CFAP47: variants seen among roughly 807,000 people sequenced by gnomAD.
The protein encoded by CFAP47 is cilia- and flagella-associated protein 47.
CFAP47 carries 29 observed loss-of-function variants against 148.1 expected under a neutral mutation model. The observed-to-expected ratio is 0.20, with a 90% CI of 0.15 to 0.27. The LOEUF (loss-of-function observed/expected upper bound fraction) is 0.27. Ranked by LOEUF, CFAP47 falls within the 10% of genes least tolerant of loss-of-function variation. The pLI, the probability that CFAP47 is intolerant of heterozygous loss-of-function variation, is 1.00. For missense variants in CFAP47, 1,872 were observed against 1,697.5 expected, an observed-to-expected ratio of 1.10 and a Z score of -1.81; for synonymous variants, 664 against 577.3, an observed-to-expected ratio of 1.15 and a Z score of -2.15.
chrX:36,054,535 T>C (rs970359578), intron 26 of CFAP47, among the ~76,000 whole-genome samples: 11 of 111,735 alleles, frequency 9.8e-5, no homozygotes, highest in Non-Finnish European at 2.1e-4. Flanking sequence ...TATTGAATGG[T>C]TTTCTCTTAA....
intron 48 of CFAP47, among the ~76,000 whole-genome samples, chrX:36,248,785 AT>A (rs1386425198): frequency 9.0e-6 from 1 of 111,047 alleles, no homozygotes; most frequent in Non-Finnish European, 1.9e-5. Flanking sequence ...GTCTTATAGC[AT>A]AAAATAAACC....
intron 13 of CFAP47, among the ~76,000 whole-genome samples, chrX:35,974,817 C>G (rs1936543877): frequency 9.0e-6 from 1 of 110,879 alleles, no homozygotes; most frequent in Non-Finnish European, 1.9e-5. Flanking sequence ...GAACAAAATA[C>G]TTGTACTAGT....
At chrX:36,283,495 A>G (rs1448266618) in intron 50 of CFAP47, among the ~76,000 whole-genome samples, 1 of 111,914 alleles carries the variant, frequency 8.9e-6, no homozygotes, top group African/African-American at 3.2e-5. Context: ...CAGGGCCCAG[A>G]TACTTGGTCA....
At chrX:36,136,333 C>T (rs1939044209) in intron 33 of CFAP47, among the ~76,000 whole-genome samples, 1 of 109,580 alleles carries the variant, frequency 9.1e-6, no homozygotes, top group Non-Finnish European at 1.9e-5. Flanking sequence ...TTCTGTCCCT[C>T]CTCTAATGTC....
At chrX:36,260,929 A>C (rs1406380578) in intron 49 of CFAP47, among the ~76,000 whole-genome samples, 3 of 110,901 alleles carry the variant, frequency 2.7e-5, no homozygotes, top group African/African-American at 9.9e-5. Context: ...ATATGGCTAG[A>C]CAATTACCCC....
At chrX:35,986,566 C>T (rs1936718129) in intron 15 of CFAP47, among the ~76,000 whole-genome samples, 2 of 109,868 alleles carry the variant, frequency 1.8e-5, no homozygotes, top group Admixed American at 2.0e-4. Flanking sequence ...TCCTTTAGCT[C>T]AGAGGAGTTT....
chrX:36,179,072 T>C (rs978524356), intron 39 of CFAP47, among the ~76,000 whole-genome samples: 8 of 112,546 alleles, frequency 7.1e-5, no homozygotes, highest in Admixed American at 1.9e-4. Context: ...CAGTCACTTA[T>C]CTTCTAAATG....
intron 15 of CFAP47, among the ~76,000 whole-genome samples, chrX:35,977,880 T>C (rs745799362): frequency 9.0e-6 from 1 of 111,648 alleles, no homozygotes; most frequent in African/African-American, 3.2e-5. Context: ...AGGACAGTCC[T>C]TTCATTAGGT....
At chrX:36,381,239 A>G (rs1466525154) in intron 63 of CFAP47, among the ~76,000 whole-genome samples, 1 of 111,658 alleles carries the variant, frequency 9.0e-6, no homozygotes, top group Admixed American at 9.6e-5. Context: ...CACCTTCTGT[A>G]TAAAGGGTTA....
intron 33 of CFAP47, among the ~76,000 whole-genome samples, chrX:36,108,243 A>G (rs763819350): frequency 5.4e-5 from 6 of 110,954 alleles, no homozygotes; most frequent in Non-Finnish European, 7.6e-5. Flanking sequence ...TCTTTGCTCC[A>G]AACCTCCACA....
intron 22 of CFAP47, among the ~76,000 whole-genome samples, chrX:36,030,531 C>T (rs1000229858): frequency 1.8e-5 from 2 of 110,745 alleles, no homozygotes; most frequent in Non-Finnish European, 3.8e-5. Flanking sequence ...TCTCCTATCC[C>T]ACATGTCCTG....
In CFAP47 at chrX:36,313,164, T is replaced by A. The variant is rs1452441960; in HGVS notation, c.8344+2175T>A. Among the ~76,000 whole-genome samples, 12 of 111,262 alleles carry A rather than the reference T, an allele frequency of 1.1e-4. No homozygotes were observed. The Admixed American group carries it at 1.2e-3, about 11-fold the overall frequency. On this transcript the variant is annotated intron_variant, in intron 56 of 63. Coordinates refer to ENST00000378653, the MANE Select transcript of CFAP47 (RefSeq NM_001304548.2). ...ATATGCAAAATATACTCATTAAAAATAGAGATTAATACTATATTAGTTCAT... is the reference window on the plus strand; with the variant it reads ...ATATGCAAAATATACTCATTAAAAAAAGAGATTAATACTATATTAGTTCAT...
chrX:36,138,138 C>T, intron 34 of CFAP47, 83 bp downstream of exon 34: 1 of 496,339 alleles, frequency 2.0e-6, no homozygotes, highest in East Asian at 4.6e-5. Flanking sequence ...TTTCTGTAAA[C>T]AGATTATTTC....
chrX:36,327,783 AACAATGACATCCTGTCCTCT>A (rs1941529797), intron 57 of CFAP47, among the ~76,000 whole-genome samples: 1 of 112,356 alleles, frequency 8.9e-6, no homozygotes, highest in Non-Finnish European at 1.9e-5. Context: ...AGCAATAAAA[AACAATGACATCCTGTCCTCT>A]GCAGCAACGT....
At chrX:36,270,549 G>GTATATATA (rs782687841) in intron 49 of CFAP47, among the ~76,000 whole-genome samples, 8,044 of 95,293 alleles carry the variant, frequency 0.084, 518 homozygotes, top group African/African-American at 0.19. Flanking sequence ...TTTAAAATTT[G>GTATATATA]TATATATATA....
Position 35,966,549 on chromosome X carries a change from C to T in CFAP47, c.1411-16C>T. On this transcript the variant is annotated splice_polypyrimidine_tract_variant and intron_variant, in intron 8 of 63. Transcript: ENST00000378653. ...TACCAATTTATTATTGGTTACTTTT[C>T]ATCTTTTTTTTTTAGGATGTGATGT... 3.0e-6 allele frequency: 3 copies of T among 986,585 alleles called. No individual in the cohort carries two copies. The highest frequency in any genetic ancestry group is 3.9e-6 in the Non-Finnish European group (3 of 766,907). The allele number at this position is 986,585 out of a possible 1,213,427, so 81.3% of individuals were successfully genotyped here. A position where few individuals can be genotyped will look rare whatever the true frequency, so the allele number is the denominator to read the frequency against.
At chrX:36,067,813 C>T (rs1343641952) in intron 27 of CFAP47, among the ~76,000 whole-genome samples, 2 of 109,689 alleles carry the variant, frequency 1.8e-5, no homozygotes, top group African/African-American at 3.3e-5. Flanking sequence ...CAGGTGCCCG[C>T]CACCATGGCC....
chrX:35,961,756 T>C (rs1936335423), intron 8 of CFAP47, among the ~76,000 whole-genome samples: 1 of 111,125 alleles, frequency 9.0e-6, no homozygotes, highest in Middle Eastern at 4.7e-3. Flanking sequence ...GTGTTGTTAA[T>C]CATTTCAAAG....
At chrX:36,306,673 A>G (rs1941352074) in intron 54 of CFAP47, 99 bp from the exon 55 acceptor site, 1 of 424,273 alleles carries the variant, frequency 2.4e-6, no homozygotes, top group Admixed American at 3.6e-5. Context: ...CATTAATCAC[A>G]CAAACATCGA....
Sources: allele counts gnomAD v4.1 joint callset (sites outside exome capture counted in the v4.1 genomes callset), GRCh38; gene constraint gnomAD v4.1.1; transcripts MANE v1.5; gene names NCBI Gene and HGNC (gene_info 2026-07-23, HGNC 2026-07-21).